Variants in LYPLAL1 observed in about 807,000 individuals in gnomAD.
LYPLAL1 encodes lysophospholipase like 1.
LYPLAL1 carries 23 observed loss-of-function variants against 19.7 expected under a neutral mutation model. The ratio of observed to expected loss-of-function variants is 1.17; its 90% CI spans 0.84 to 1.65. The LOEUF is 1.65. Ranked by LOEUF, LYPLAL1 falls within the 40% of genes most tolerant of loss-of-function variation. LYPLAL1 has a pLI of 0.00. For synonymous variants in LYPLAL1, 119 were observed against 96.3 expected (o/e 1.24, Z -1.38); for missense variants, 355 against 279.4 (o/e 1.27, Z -1.93).
chr1:219,239,355 A>G, the LYPLAL1 span, among the ~76,000 whole-genome samples: 3 of 152,212 alleles, frequency 2.0e-5, no homozygotes, highest in African/African-American at 7.2e-5. Context: ...CCTGGTACAC[A>G]GTAGGTACTA....
chr1:219,184,002 A>C (rs1232308045), intron 2 of LYPLAL1, among the ~76,000 whole-genome samples: 2 of 151,932 alleles, frequency 1.3e-5, no homozygotes, highest in Non-Finnish European at 2.9e-5. Flanking sequence ...CTGTATAGAA[A>C]ATTTTGAAAC....
At chr1:219,313,165 A>G in the LYPLAL1 span, among the ~76,000 whole-genome samples, 2 of 152,238 alleles carry the variant, frequency 1.3e-5, no homozygotes, top group African/African-American at 2.4e-5. Flanking sequence ...TTGGGAAATG[A>G]TAACATAGAA....
At chr1:219,415,365 T>C in the LYPLAL1 span, among the ~76,000 whole-genome samples, 1 of 152,204 alleles carries the variant, frequency 6.6e-6, no homozygotes, top group African/African-American at 2.4e-5. Flanking sequence ...GATGTTTTCA[T>C]GAAAAGTGTG....
the LYPLAL1 span, among the ~76,000 whole-genome samples, chr1:219,320,235 C>T: frequency 4.8e-3 from 724 of 152,224 alleles, 3 homozygotes; most frequent in African/African-American, 0.016. Context: ...CACAGACCTT[C>T]AATCTATACT....
At chr1:219,414,159 C>T in the LYPLAL1 span, among the ~76,000 whole-genome samples, 1 of 152,140 alleles carries the variant, frequency 6.6e-6, no homozygotes, top group African/African-American at 2.4e-5. Context: ...TTAGCCCTTT[C>T]GATTTTTCCC....
intron 2 of LYPLAL1, 31 bp from the exon 3 acceptor site, chr1:219,193,051 T>C (rs1263108346): frequency 7.2e-7 from 1 of 1,390,706 alleles, no homozygotes; most frequent in African/African-American, 2.5e-5. Flanking sequence ...TTTCCTTTCT[T>C]TTTTTTTGGG....
At chr1:219,193,456 A>T (rs182165487) in intron 3 of LYPLAL1, 95 of 315,250 alleles carry the variant, frequency 3.0e-4, no homozygotes, top group Non-Finnish European at 4.8e-4. Context: ...TTCTTTTTGA[A>T]TAATAACGGA....
At chr1:219,327,802 C>T in the LYPLAL1 span, among the ~76,000 whole-genome samples, 3 of 152,126 alleles carry the variant, frequency 2.0e-5, no homozygotes, top group African/African-American at 7.2e-5. Flanking sequence ...AAACCCCTTT[C>T]ACTTGGTTCT....
At chr1:219,397,048 A>G in the LYPLAL1 span, among the ~76,000 whole-genome samples, 2 of 151,988 alleles carry the variant, frequency 1.3e-5, no homozygotes, top group African/African-American at 4.8e-5. Context: ...TTGGCTATGG[A>G]TTTGTCATAG....
chr1:219,260,292 G>A, the LYPLAL1 span, among the ~76,000 whole-genome samples: 2 of 151,140 alleles, frequency 1.3e-5, no homozygotes, highest in African/African-American at 4.9e-5. Context: ...AACTGAATGA[G>A]GAAAAAATTG....
chr1:219,359,125 GCAAA>G, the LYPLAL1 span, among the ~76,000 whole-genome samples: 1 of 152,086 alleles, frequency 6.6e-6, no homozygotes, highest in African/African-American at 2.4e-5. Context: ...TATGAAAAAA[GCAAA>G]CAAATTCCTG....
At chr1:219,265,578 C>T in the LYPLAL1 span, among the ~76,000 whole-genome samples, 3 of 152,132 alleles carry the variant, frequency 2.0e-5, no homozygotes, top group Non-Finnish European at 4.4e-5. Flanking sequence ...ATAACATTAG[C>T]ATTTTGTTCT....
the LYPLAL1 span, among the ~76,000 whole-genome samples, chr1:219,359,737 G>GA: frequency 6.6e-6 from 1 of 152,088 alleles, no homozygotes; most frequent in Non-Finnish European, 1.5e-5. Context: ...TGATTGTAAA[G>GA]AAAAAATGCA....
chr1:219,323,707 G>C, the LYPLAL1 span, among the ~76,000 whole-genome samples: 1 of 152,102 alleles, frequency 6.6e-6, no homozygotes, highest in East Asian at 1.9e-4. Context: ...AATAACCGAG[G>C]CAGTTTAGAA....
At chr1:219,252,220 T>G in the LYPLAL1 span, among the ~76,000 whole-genome samples, 1 of 151,954 alleles carries the variant, frequency 6.6e-6, no homozygotes, top group South Asian at 2.1e-4. Flanking sequence ...TAGAGTCATA[T>G]CATCTGCAGA....
the LYPLAL1 span, among the ~76,000 whole-genome samples, chr1:219,267,916 T>C: frequency 2.0e-5 from 3 of 152,230 alleles, no homozygotes; most frequent in Non-Finnish European, 4.4e-5. Context: ...CGAAATCTAT[T>C]TTAACAGGGG....
chr1:219,399,379 G>A, the LYPLAL1 span, among the ~76,000 whole-genome samples: 1 of 152,196 alleles, frequency 6.6e-6, no homozygotes, highest in Non-Finnish European at 1.5e-5. Flanking sequence ...TGGTGGGGGT[G>A]TGGCTCTGTG....
chr1:219,422,759 A>G, the LYPLAL1 span, among the ~76,000 whole-genome samples: 1 of 152,168 alleles, frequency 6.6e-6, no homozygotes, highest in Non-Finnish European at 1.5e-5. Flanking sequence ...GCAGGCTTTT[A>G]ACTATCTGTG....
At chr1:219,237,004 G>A in the LYPLAL1 span, among the ~76,000 whole-genome samples, 1 of 151,176 alleles carries the variant, frequency 6.6e-6, no homozygotes, top group Admixed American at 6.6e-5. Flanking sequence ...TGTTATTGTT[G>A]TAGCACCTAA....
Sources: allele counts gnomAD v4.1 joint callset (sites outside exome capture counted in the v4.1 genomes callset), GRCh38; gene constraint gnomAD v4.1.1; transcripts MANE v1.5; gene names NCBI Gene and HGNC (gene_info 2026-07-23, HGNC 2026-07-21).